The following ARHGAP22 variants were observed in gnomAD, a reference collection of about 807,000 sequenced individuals.
The protein encoded by ARHGAP22 is Rho GTPase activating protein 22, also known as rho GTPase-activating protein 22.
In ARHGAP22, 48 loss-of-function variants were observed where a neutral mutation model predicts 59.1. The ratio of observed to expected loss-of-function variants is 0.81; its 90% CI spans 0.64 to 1.03. The LOEUF (loss-of-function observed/expected upper bound fraction) is 1.03, where lower values mean the gene tolerates loss of function less well. Ranked by LOEUF, ARHGAP22 falls within the 50% of genes least tolerant of loss-of-function variation. The pLI is 0.00. For missense variants in ARHGAP22, 1,015 were observed against 958.7 expected (o/e 1.06, Z -0.78); for synonymous variants, 445 against 416.4 (o/e 1.07, Z -0.84).
chr10:48,555,324 G>T, intron 3 of ARHGAP22, 139 bp downstream of exon 3: 2 of 722,650 alleles, frequency 2.8e-6, no homozygotes, highest in Non-Finnish European at 4.7e-6. Flanking sequence ...CTGTCGATTT[G>T]GCCCACATTT....
At chr10:48,538,962 G>A (rs1359514531) in intron 3 of ARHGAP22, among the ~76,000 whole-genome samples, 1 of 152,152 alleles carries the variant, frequency 6.6e-6, no homozygotes, top group African/African-American at 2.4e-5. Context: ...AAAAAAGAAG[G>A]GAGGTTAAAA....
chr10:48,595,988 T>C (rs1486645454), intron 1 of ARHGAP22, among the ~76,000 whole-genome samples: 2 of 151,692 alleles, frequency 1.3e-5, no homozygotes, highest in African/African-American at 4.8e-5. Context: ...GTGAAAATAT[T>C]AATTTTTAAG....
chr10:48,609,318 C>T (rs1254732221), upstream of ARHGAP22, among the ~76,000 whole-genome samples: 1 of 152,206 alleles, frequency 6.6e-6, no homozygotes, highest in Non-Finnish European at 1.5e-5. Flanking sequence ...GGTGTGACTG[C>T]ATCCTGGCCA....
At chr10:48,616,173 C>T (rs11101405) in intron 1 of ARHGAP22, among the ~76,000 whole-genome samples, 32,365 of 151,978 alleles carry the variant, frequency 0.21, 4,217 homozygotes, top group Admixed American at 0.31. Context: ...GCTCATTTAG[C>T]GTCTTGGTGT....
rs893935745 is a variant in ARHGAP22, at chr10:48,603,482, G to A, written c.34+1281C>T. 2.0e-5 allele frequency among the ~76,000 whole-genome samples: 3 copies of A among 151,784 alleles called. No individual in the cohort carries two copies. In the East Asian group the frequency reaches 5.8e-4, roughly 29 times the overall value. On this transcript the variant is annotated intron_variant, in intron 1 of 9. Coordinates refer to ENST00000249601, the MANE Select transcript of ARHGAP22 (RefSeq NM_021226.4). ...ATGAGATATTGTACATTCTTTTTTT[G>A]TACTAAATCATCAAAATTTGGTGTG...
intron 3 of ARHGAP22, among the ~76,000 whole-genome samples, chr10:48,511,169 G>C (rs2052725437): frequency 6.6e-6 from 1 of 152,218 alleles, no homozygotes. Flanking sequence ...AAAGGACCTT[G>C]GTTGCCCTGG....
intron 9 of ARHGAP22, among the ~76,000 whole-genome samples, chr10:48,447,035 C>T (rs955084142): frequency 6.6e-6 from 1 of 152,170 alleles, no homozygotes; most frequent in Non-Finnish European, 1.5e-5. Context: ...TGCAGCTCCC[C>T]ACACTGTCCC....
At chr10:48,554,750 C>A (rs57752920) in intron 3 of ARHGAP22, among the ~76,000 whole-genome samples, 17,734 of 152,124 alleles carry the variant, frequency 0.12, 1,763 homozygotes, top group African/African-American at 0.27. Flanking sequence ...TCCAGAAGCC[C>A]CTGTGGGAAC....
chr10:48,563,187 A>ATTTTTTTTTTTTTTTTTTTTTTTTT (rs558735630), intron 2 of ARHGAP22, among the ~76,000 whole-genome samples: 1 of 104,214 alleles, frequency 9.6e-6, no homozygotes. Flanking sequence ...ATCCAGGATA[A>ATTTTTTTTTTTTTTTTTTTTTTTTT]TTTTTTTTTT....
intron 3 of ARHGAP22, among the ~76,000 whole-genome samples, chr10:48,487,713 G>A (rs1425970908): frequency 2.0e-5 from 3 of 152,120 alleles, no homozygotes; most frequent in Non-Finnish European, 2.9e-5. Context: ...TCAGGCTTCT[G>A]ACCTACAGAA....
chr10:48,586,204 T>C (rs562090548), intron 1 of ARHGAP22, among the ~76,000 whole-genome samples: 1 of 152,284 alleles, frequency 6.6e-6, no homozygotes, highest in South Asian at 2.1e-4. Context: ...GTGAGTTATT[T>C]AATTAAAAAG....
chr10:48,621,124 T>C (rs908681828), intron 1 of ARHGAP22, among the ~76,000 whole-genome samples: 2 of 152,270 alleles, frequency 1.3e-5, no homozygotes. Flanking sequence ...TATTCCTACA[T>C]ACCTTTGTCT....
intron 1 of ARHGAP22, among the ~76,000 whole-genome samples, chr10:48,620,329 G>C (rs2136026687): frequency 6.6e-6 from 1 of 151,938 alleles, no homozygotes; most frequent in East Asian, 1.9e-4. Context: ...TCCCATCTCA[G>C]ATAGGTAGGG....
At chr10:48,558,056 C>T (rs1245640044) in intron 2 of ARHGAP22, among the ~76,000 whole-genome samples, 1 of 152,138 alleles carries the variant, frequency 6.6e-6, no homozygotes, top group African/African-American at 2.4e-5. Context: ...AATGGGGTCT[C>T]TGAAAACTAT....
chr10:48,439,853 A>G, the ARHGAP22 span, among the ~76,000 whole-genome samples: 1 of 152,090 alleles, frequency 6.6e-6, no homozygotes, highest in African/African-American at 2.4e-5. Flanking sequence ...TCCTGCTCCA[A>G]ATGACCTTTG....
chr10:48,508,610 G>A (rs953018662), intron 3 of ARHGAP22, among the ~76,000 whole-genome samples: 3 of 152,248 alleles, frequency 2.0e-5, no homozygotes, highest in African/African-American at 7.2e-5. Flanking sequence ...ACAAAAAAAT[G>A]GGAAGTCATC....
chr10:48,524,127 G>T, intron 3 of ARHGAP22: 1 of 1,315,306 alleles, frequency 7.6e-7, no homozygotes. Context: ...CGGCCCCGCC[G>T]CTCGGCTCCT....
At position 48,453,426 on chromosome 10, in the gene ARHGAP22, C is replaced by T. The variant is rs1207732639; in HGVS notation, c.867-1G>A. 1 of 1,613,672 alleles carries T rather than the reference C, an allele frequency of 6.2e-7. No homozygotes were observed. The highest frequency in any genetic ancestry group is 8.5e-7 in the Non-Finnish European group (1 of 1,179,792). Reference sequence around the variant, plus strand: ...GTATGCCTGAACTTCATCCAGAAACCTGCAAAGTAAGGAAGCAGCAGTCAT... The same window carrying T: ...GTATGCCTGAACTTCATCCAGAAACTTGCAAAGTAAGGAAGCAGCAGTCAT... On this transcript the variant is annotated splice_acceptor_variant, in intron 7 of 9. Coordinates refer to ENST00000249601, the MANE Select transcript of ARHGAP22 (RefSeq NM_021226.4). LOFTEE classifies it high-confidence loss of function.
chr10:48,603,536 G>A (rs1185929002), intron 1 of ARHGAP22, among the ~76,000 whole-genome samples: 1 of 152,186 alleles, frequency 6.6e-6, no homozygotes, highest in Non-Finnish European at 1.5e-5. Flanking sequence ...CTAGTGACAT[G>A]CCAAGTGCTT....
Sources: gnomAD v4.1 joint callset for allele counts (sites outside exome capture counted in the v4.1 genomes callset) on GRCh38, gnomAD v4.1.1 for gene constraint, MANE v1.5 for transcripts, NCBI Gene and HGNC (gene_info 2026-07-23, HGNC 2026-07-21) for gene names.